The following DNAJC1 variants were observed in gnomAD, a reference collection of about 807,000 sequenced individuals.
DNAJC1 encodes dnaJ homolog subfamily C member 1.
Under a neutral mutation model 76.6 loss-of-function variants are expected in DNAJC1, and 58 were observed. That is an observed-to-expected ratio of 0.76 (90% CI 0.61 to 0.94). The LOEUF (loss-of-function observed/expected upper bound fraction) is 0.94. Ranked by LOEUF, DNAJC1 falls within the 40% of genes least tolerant of loss-of-function variation. DNAJC1 has a pLI of 0.00. For missense variants in DNAJC1, 689 were observed against 677.3 expected, an observed-to-expected ratio of 1.02 and a Z score of -0.19; for synonymous variants, 258 against 267.9, an observed-to-expected ratio of 0.96 and a Z score of 0.36.
At position 21,874,274 on chromosome 10, in the gene DNAJC1, C is replaced by G. The variant is rs372221798; in HGVS notation, c.978+8008G>C. ...AAACAAAAAAAATAAATTAGCCAAG[C>G]TTGGTGGCACACGTGTGTAGTCCTA... On this transcript the variant is annotated intron_variant, in intron 8 of 11. Transcript: ENST00000376980. Among the ~76,000 whole-genome samples, 6 of 151,948 alleles carry G rather than the reference C, an allele frequency of 3.9e-5. No individual in the cohort carries two copies. The East Asian group carries it at 9.6e-4, about 24-fold the overall frequency.
intron 9 of DNAJC1, chr10:21,803,706 T>C (rs974765046): frequency 1.5e-5 from 7 of 458,420 alleles, no homozygotes; most frequent in Admixed American, 6.5e-5. Flanking sequence ...GCCATGGAGA[T>C]GATGCTTACA....
intron 6 of DNAJC1, among the ~76,000 whole-genome samples, chr10:21,908,009 A>C (rs1836775138): frequency 1.2e-5 from 1 of 81,250 alleles, no homozygotes; most frequent in Non-Finnish European, 2.1e-5. Context: ...AATATATTAT[A>C]TATAATAATA....
chr10:21,940,610 C>A (rs1837390908), intron 1 of DNAJC1, among the ~76,000 whole-genome samples: 1 of 152,124 alleles, frequency 6.6e-6, no homozygotes, highest in African/African-American at 2.4e-5. Flanking sequence ...CTATTTTAAA[C>A]TAGTATCTAA....
intron 1 of DNAJC1, among the ~76,000 whole-genome samples, chr10:21,965,049 A>G (rs1245144651): frequency 6.6e-6 from 1 of 152,148 alleles, no homozygotes; most frequent in Non-Finnish European, 1.5e-5. Flanking sequence ...CTCAGTCACT[A>G]TCTTTCAATC....
rs897277937 is a variant in DNAJC1 at position 21,923,866 on chromosome 10, T to C, written c.372-2903A>G. On this transcript the variant is annotated intron_variant, in intron 3 of 11. Transcript: ENST00000376980. ...TTTTTTCAAGTTACCAGCAGAAAAATGTACAGAAATTTAAAACGTTACAAT... is the reference window on the plus strand; with the variant it reads ...TTTTTTCAAGTTACCAGCAGAAAAACGTACAGAAATTTAAAACGTTACAAT... 1.1e-4 allele frequency among the ~76,000 whole-genome samples: 16 copies of C among 151,728 alleles called. No homozygotes were observed. The South Asian group carries it at 2.3e-3, about 22-fold the overall frequency.
intron 7 of DNAJC1, among the ~76,000 whole-genome samples, chr10:21,892,677 A>T (rs1338810628): frequency 6.6e-6 from 1 of 152,126 alleles, no homozygotes; most frequent in Non-Finnish European, 1.5e-5. Context: ...ACTGAAAGTA[A>T]AAGGATTGGA....
intron 1 of DNAJC1, among the ~76,000 whole-genome samples, chr10:21,986,095 C>T (rs957755298): frequency 7.2e-5 from 11 of 152,022 alleles, no homozygotes; most frequent in African/African-American, 1.7e-4. Flanking sequence ...GGTGTGGTGG[C>T]GGGTGCCTGT....
At chr10:21,821,159 G>A (rs778001953) in intron 8 of DNAJC1, among the ~76,000 whole-genome samples, 13 of 152,208 alleles carry the variant, frequency 8.5e-5, no homozygotes, top group Non-Finnish European at 1.3e-4. Flanking sequence ...CTGGAATGAC[G>A]GTCTTATGAC....
chr10:21,807,218 A>G (rs1834893836), intron 8 of DNAJC1, among the ~76,000 whole-genome samples: 1 of 152,206 alleles, frequency 6.6e-6, no homozygotes, highest in Non-Finnish European at 1.5e-5. Flanking sequence ...TCCGATAATG[A>G]ACAGGCATAC....
At position 21,921,689 on chromosome 10, in the gene DNAJC1, A is replaced by G. The variant is rs186861161; in HGVS notation, c.372-726T>C. ...CTTTTGCTGGAAGAGAAGAACATTA[A>G]CAAGTAAAAGCTTTCCTAGTCCTTT... On this transcript the variant is annotated intron_variant, in intron 3 of 11. Coordinates refer to ENST00000376980, the MANE Select transcript of DNAJC1 (RefSeq NM_022365.4). Among the ~76,000 whole-genome samples the G allele has an allele frequency of 1.1e-4, 17 of 152,150 alleles. No individual in the cohort carries two copies. In the East Asian group the frequency reaches 3.1e-3, roughly 28 times the overall value.
At chr10:21,950,511 C>T (rs1029822789) in intron 1 of DNAJC1, among the ~76,000 whole-genome samples, 5 of 152,038 alleles carry the variant, frequency 3.3e-5, no homozygotes, top group African/African-American at 1.2e-4. Context: ...CAATTAATAA[C>T]CCTACAGTGA....
intron 1 of DNAJC1, among the ~76,000 whole-genome samples, chr10:21,998,983 T>C (rs1475206966): frequency 6.6e-6 from 1 of 152,224 alleles, no homozygotes; most frequent in African/African-American, 2.4e-5. Context: ...TAAGGTGGTC[T>C]GGTCCAAGTT....
chr10:21,799,914 T>C (rs1834795375), intron 9 of DNAJC1, among the ~76,000 whole-genome samples: 1 of 152,170 alleles, frequency 6.6e-6, no homozygotes, highest in Non-Finnish European at 1.5e-5. Flanking sequence ...TCCCACAGAA[T>C]CTAGTGTTGC....
chr10:21,938,058 A>C (rs1461151686), intron 1 of DNAJC1, among the ~76,000 whole-genome samples: 1 of 152,136 alleles, frequency 6.6e-6, no homozygotes, highest in African/African-American at 2.4e-5. Context: ...TAAAATAGGA[A>C]AGGCCATAAA....
chr10:21,804,947 C>T lies in DNAJC1; in HGVS notation c.1098+1033G>A, dbSNP rs558276980. Among the ~76,000 whole-genome samples the T allele has an allele frequency of 2.6e-5, 4 of 152,134 alleles. No homozygotes were observed. The South Asian group carries it at 6.2e-4, about 24-fold the overall frequency. On this transcript the variant is annotated intron_variant, in intron 9 of 11. Transcript: ENST00000376980. ...ATCTGCAACTTGAGCGCCAACGTGA[C>T]GGATTAGAGATGCGCAACTGTAATA...
chr10:21,810,424 G>C (rs929231809), intron 8 of DNAJC1, among the ~76,000 whole-genome samples: 1 of 151,994 alleles, frequency 6.6e-6, no homozygotes, highest in East Asian at 1.9e-4. Flanking sequence ...TAATATAAAG[G>C]ACAAGTATGC....
intron 1 of DNAJC1, among the ~76,000 whole-genome samples, chr10:21,961,469 A>C (rs1035336492): frequency 1.3e-5 from 2 of 152,126 alleles, no homozygotes; most frequent in African/African-American, 4.8e-5. Context: ...AATAAGCCAG[A>C]TACAAAAGGA....
intron 1 of DNAJC1, among the ~76,000 whole-genome samples, chr10:21,934,182 T>C (rs896167102): frequency 1.3e-5 from 2 of 151,772 alleles, no homozygotes; most frequent in Admixed American, 1.3e-4. Flanking sequence ...CTAATGTGTG[T>C]TTGTGTCTTA....
chr10:21,765,844 A>AG (rs1382691526), intron 10 of DNAJC1, among the ~76,000 whole-genome samples: 1 of 29,248 alleles, frequency 3.4e-5, no homozygotes, highest in Non-Finnish European at 1.5e-4. Context: ...ACTCCGTCTC[A>AG]AAAAAAAGGA....
Sources: gnomAD v4.1 joint callset for allele counts (sites outside exome capture counted in the v4.1 genomes callset) on GRCh38, gnomAD v4.1.1 for gene constraint, MANE v1.5 for transcripts, NCBI Gene and HGNC (gene_info 2026-07-23, HGNC 2026-07-21) for gene names.